Variants in RGS22 observed in about 807,000 individuals in gnomAD.
RGS22 encodes the protein regulator of G protein signaling 22.
In RGS22, 148 loss-of-function variants were observed where a neutral mutation model predicts 172.9. The observed-to-expected ratio is 0.86, with a 90% CI of 0.75 to 0.98. The LOEUF is 0.98. RGS22 is among the 50% of genes least tolerant of loss of function. The pLI is 0.00. For synonymous variants in RGS22, 458 were observed against 480.2 expected, an observed-to-expected ratio of 0.95 and a Z score of 0.60; for missense variants, 1,347 against 1,440.8, an observed-to-expected ratio of 0.93 and a Z score of 1.05.
intron 14 of RGS22, among the ~76,000 whole-genome samples, chr8:100,017,703 AT>A (rs1817156007): frequency 6.6e-6 from 1 of 152,234 alleles, no homozygotes; most frequent in Non-Finnish European, 1.5e-5. Flanking sequence ...TGATAAAATC[AT>A]TTTAAGTTGA....
chr8:100,101,037 G>A (rs1309518581), intron 2 of RGS22, among the ~76,000 whole-genome samples: 1 of 152,014 alleles, frequency 6.6e-6, no homozygotes, highest in African/African-American at 2.4e-5. Flanking sequence ...TCCATTTTTT[G>A]ATGGAAGACT....
chr8:99,996,998 T>C (rs1814471146), intron 19 of RGS22, among the ~76,000 whole-genome samples: 2 of 152,212 alleles, frequency 1.3e-5, no homozygotes, highest in Admixed American at 6.5e-5. Context: ...CTATTGACTC[T>C]ATCTCCCTGT....
At chr8:100,062,287 C>A (rs1005213828) in intron 9 of RGS22, among the ~76,000 whole-genome samples, 1 of 151,648 alleles carries the variant, frequency 6.6e-6, no homozygotes, top group Non-Finnish European at 1.5e-5. Context: ...TGCACATGTA[C>A]CCCTGTACTT....
In RGS22 at chr8:100,066,169, G is replaced by A; in HGVS notation, c.722C>T (p.Ser241Phe). Reference protein sequence around the residue: ...KLKSPAISSVSENFIFDDGVH... With the variant: ...KLKSPAISSVFENFIFDDGVH... Reference sequence around the variant, plus strand: ...CATTCTTGTCCTTTTCTGCTTACCAGAAACAGATGAAATAGCTGGTGATTT... The same window carrying A: ...CATTCTTGTCCTTTTCTGCTTACCAAAAACAGATGAAATAGCTGGTGATTT... Residue 241 changes from serine to phenylalanine, a missense_variant and splice_region_variant, in exon 7 of 28, where the codon TCT becomes TTT. Ser to Phe is a radical substitution (Grantham distance 155, BLOSUM62 -2). Transcript: ENST00000360863. 6.2e-7 allele frequency: 1 copy of A among 1,611,872 alleles called. No homozygotes were observed. The highest frequency in any genetic ancestry group is 8.5e-7 in the Non-Finnish European group (1 of 1,178,988).
At chr8:100,070,148 T>A (rs865813276) in intron 6 of RGS22, among the ~76,000 whole-genome samples, 12 of 151,662 alleles carry the variant, frequency 7.9e-5, no homozygotes, top group African/African-American at 2.4e-4. Flanking sequence ...AATTTTAACA[T>A]CTCAGAGTTC....
chr8:100,054,955 A>C (rs1381004292), intron 9 of RGS22, among the ~76,000 whole-genome samples: 1 of 152,194 alleles, frequency 6.6e-6, no homozygotes, highest in Non-Finnish European at 1.5e-5. Flanking sequence ...AAGCACTACA[A>C]GTTATGCTTT....
chr8:99,965,459 C>G (rs1563551203), intron 23 of RGS22, 29 bp from the exon 24 acceptor site: 2 of 1,431,942 alleles, frequency 1.4e-6, no homozygotes, highest in Admixed American at 1.8e-5. Context: ...AAATTATTAC[C>G]CAGAAAAGAT....
At chr8:99,997,043 G>A (rs1354533351) in intron 19 of RGS22, among the ~76,000 whole-genome samples, 1 of 152,190 alleles carries the variant, frequency 6.6e-6, no homozygotes, top group African/African-American at 2.4e-5. Context: ...GATCTAGAGA[G>A]ATAAGGACTA....
At chr8:100,051,460 A>ATATTATATATATTTATATATAATATAT (rs1821298284) in intron 10 of RGS22, among the ~76,000 whole-genome samples, 1 of 109,464 alleles carries the variant, frequency 9.1e-6, no homozygotes, top group African/African-American at 3.5e-5. Context: ...ATTATATTAT[A>ATATTATATATATTTATATATAATATAT]TATAAATATA....
chr8:99,971,659 C>T (rs1397665414), intron 23 of RGS22, among the ~76,000 whole-genome samples: 3 of 152,266 alleles, frequency 2.0e-5, no homozygotes, highest in East Asian at 1.9e-4. Context: ...CCTAGGAATA[C>T]AACTTACAAG....
chr8:100,010,775 G>C (rs921721651), intron 14 of RGS22, among the ~76,000 whole-genome samples: 2 of 150,778 alleles, frequency 1.3e-5, no homozygotes, highest in African/African-American at 4.9e-5. Flanking sequence ...GGGAAGGAAA[G>C]AATTCTAGAA....
chr8:100,021,454 G>C (rs949576367), intron 14 of RGS22, among the ~76,000 whole-genome samples: 1 of 152,134 alleles, frequency 6.6e-6, no homozygotes, highest in Non-Finnish European at 1.5e-5. Context: ...GAGTTTAGTG[G>C]GGAAAATCTT....
At chr8:100,053,780 C>T (rs1481077751) in intron 9 of RGS22, among the ~76,000 whole-genome samples, 3 of 151,966 alleles carry the variant, frequency 2.0e-5, no homozygotes, top group East Asian at 1.9e-4. Context: ...GGACTACAGG[C>T]GTGTGCCACC....
Position 100,052,955 on chromosome 8 carries a change from A to G in RGS22, c.1536T>C (p.Thr512=). ...TAGCATATTTTGTTGAGGCTGAATG[A>G]GTAACACAGAATCTTGGTGCCCTGT... is the stretch of plus-strand genomic sequence containing the variant. ...LLYWAPRFCV[T]HSASTKYASA... is the part of the protein sequence containing the mutation. The change falls in exon 10 of 28, where the codon ACT becomes ACC. Residue 512 remains threonine (T), a synonymous_variant. Coordinates refer to ENST00000360863, the MANE Select transcript of RGS22 (RefSeq NM_015668.5). 1.2e-6 allele frequency: 2 copies of G among 1,613,996 alleles called. No homozygotes were observed. Among genetic ancestry groups the G allele is most frequent in the South Asian group, 1.1e-5 (1 of 91,058 alleles).
Position 99,999,381 on chromosome 8 carries a change from C to A in RGS22, c.2830G>T (p.Glu944Ter). 6.2e-7 allele frequency: 1 copy of A among 1,613,934 alleles called. No individual in the cohort carries two copies. Among genetic ancestry groups the A allele is most frequent in the Non-Finnish European group, 8.5e-7 (1 of 1,179,926 alleles). ...ACTAGAACAGGTGCATCAAGCTGCT[C>A]ATGAAGAATCTTCCCCCAGCCACCA... ...LSGGWGKILH[E>*]QLDAPVLVEI... The change falls in exon 19 of 28, where the codon GAG becomes TAG. Residue 944 changes from glutamate (E) to a stop codon, truncating the protein, a stop_gained. Transcript: ENST00000360863. LOFTEE classifies it high-confidence loss of function.
Position 100,008,688 on chromosome 8 carries a change from T to C in RGS22, c.2167-119A>G, listed in dbSNP as rs139142746. On this transcript the variant is annotated intron_variant, in intron 14 of 27. Transcript: ENST00000360863. ...AAGGCAAATAAGCCCACGTGATATTTTTCTTGAAAATATGGGTAAAACTAC... is the reference window on the plus strand; with the variant it reads ...AAGGCAAATAAGCCCACGTGATATTCTTCTTGAAAATATGGGTAAAACTAC... 1.8e-4 allele frequency: 121 copies of C among 681,694 alleles called. No individual in the cohort carries two copies. The African/African-American group carries it at 2.0e-3, about 11-fold the overall frequency. The allele number at this position is 681,694 out of a possible 1,614,324, so 42.2% of individuals were successfully genotyped here. A position where few individuals can be genotyped will look rare whatever the true frequency, so the allele number is the denominator to read the frequency against.
In RGS22 at chr8:99,990,077, G is replaced by A. The variant is rs1813544630; in HGVS notation, c.3019-2458C>T. Among the ~76,000 whole-genome samples the A allele has an allele frequency of 2.6e-5, 4 of 152,160 alleles. No homozygotes were observed. The South Asian group carries it at 8.3e-4, about 32-fold the overall frequency. On this transcript the variant is annotated intron_variant, in intron 20 of 27. Transcript: ENST00000360863. ...TGTCTCAGTAAATCCATGACATGCA[G>A]AATAAAGAAAAATACATACTTAAGG... is the stretch of plus-strand genomic sequence containing the variant.
At chr8:100,100,797 C>T (rs1813412201) in intron 2 of RGS22, among the ~76,000 whole-genome samples, 3 of 152,120 alleles carry the variant, frequency 2.0e-5, no homozygotes. Flanking sequence ...AAAATGAATA[C>T]CACTTTTAAC....
intron 3 of RGS22, among the ~76,000 whole-genome samples, chr8:100,081,280 T>C (rs1237682248): frequency 6.6e-6 from 1 of 151,752 alleles, no homozygotes; most frequent in Non-Finnish European, 1.5e-5. Context: ...TTGCTAGATA[T>C]ACTATAGTCA....
Sources: allele counts gnomAD v4.1 joint callset (sites outside exome capture counted in the v4.1 genomes callset), GRCh38; gene constraint gnomAD v4.1.1; transcripts MANE v1.5; gene names NCBI Gene and HGNC (gene_info 2026-07-23, HGNC 2026-07-21).